The following SLA2 variants were observed in gnomAD, a reference collection of about 807,000 sequenced individuals.
SLA2 encodes the protein Src like adaptor 2, also known as src-like-adapter 2.
In SLA2, 22 loss-of-function variants were observed where a neutral mutation model predicts 27.3. The observed-to-expected ratio is 0.81, with a 90% CI of 0.58 to 1.15. The LOEUF (loss-of-function observed/expected upper bound fraction) is 1.15. Among genes scored for constraint, SLA2 ranks in the 50% most tolerant of loss-of-function variants. The pLI, the probability that SLA2 is intolerant of heterozygous loss-of-function variation, is 0.00. For missense variants in SLA2, 304 were observed against 322.2 expected (o/e 0.94, Z 0.43); for synonymous variants, 131 against 137.8 (o/e 0.95, Z 0.34).
intron 5 of SLA2, among the ~76,000 whole-genome samples, chr20:36,626,329 T>G (rs1217045932): frequency 6.6e-6 from 1 of 150,462 alleles, no homozygotes; most frequent in Non-Finnish European, 1.5e-5. Context: ...GAGGCATAGG[T>G]TGCAATGAGC....
intron 5 of SLA2, among the ~76,000 whole-genome samples, chr20:36,625,216 A>ATTTTTTTTTTTTTTTTTTTTTTTTT (rs71186005): frequency 1.3e-5 from 1 of 78,496 alleles, no homozygotes; most frequent in Non-Finnish European, 2.4e-5. Flanking sequence ...ACGTACCCTG[A>ATTTTTTTTTTTTTTTTTTTTTTTTT]TTTTTTTTTT....
intron 1 of SLA2, 51 bp downstream of exon 1, chr20:36,645,786 T>C (rs1043029753): frequency 5.3e-5 from 8 of 152,244 alleles, no homozygotes; most frequent in Non-Finnish European, 1.2e-4. Context: ...GGGAGACCAT[T>C]CTTCCTCACC....
rs201328728 is a variant in SLA2 at position 36,641,292 on chromosome 20, C to G, written c.44G>C (p.Ser15Thr). The change falls in exon 2 of 8, where the codon AGC becomes ACC. Residue 15 changes from serine (S) to threonine (T), a missense_variant. Coordinates refer to ENST00000262866, the MANE Select transcript of SLA2 (RefSeq NM_032214.4). The stretch of plus-strand genomic sequence containing the variant: ...CTGGCCTTGGACAGAGGAACTCAAG[C>G]TTGGGCTTGGCAGAGATTTTCTTCT... ...PSRRKSLPSP[S>T]LSSSVQGQGP... 6.2e-7 allele frequency: 1 copy of G among 1,614,158 alleles called. No individual in the cohort carries two copies. Among genetic ancestry groups the G allele is most frequent in the East Asian group, 2.2e-5 (1 of 44,866 alleles).
At position 36,633,677 on chromosome 20, in the gene SLA2, C is replaced by T. The variant is rs200903455; in HGVS notation, c.192-48G>A. On this transcript the variant is annotated intron_variant, in intron 3 of 7. Transcript: ENST00000262866. ...GCACCTCTTTCAGATGAGCCAAGGC[C>T]CCGACAACCACACATTCAGGGCTTG... The T allele has an allele frequency of 1.7e-5, 26 of 1,509,148 alleles. No homozygotes were observed. In the Admixed American group the frequency reaches 2.9e-4, roughly 17 times the overall value. 93.5% of individuals were successfully genotyped at this position (1,509,148 alleles called of 1,614,324 possible).
intron 5 of SLA2, chr20:36,620,966 G>T (rs1433402463): frequency 6.0e-6 from 2 of 335,230 alleles, no homozygotes; most frequent in Non-Finnish European, 1.2e-5. Context: ...CGTGGAGGTG[G>T]ATCTGGCAAT....
Position 36,612,527 on chromosome 20 carries a change from T to G in SLA2, c.*1339A>C. 1 of 401,884 alleles carries G rather than the reference T, an allele frequency of 2.5e-6. No homozygotes were observed. The highest frequency in any genetic ancestry group is 3.8e-5 in the Admixed American group (1 of 26,310). 24.9% of individuals were successfully genotyped at this position (401,884 alleles called of 1,614,324 possible). A position where few individuals can be genotyped will look rare whatever the true frequency, so the allele number is the denominator to read the frequency against. The stretch of plus-strand genomic sequence containing the variant: ...GTTTCCATTGTAGAATGTTTTCACA[T>G]ACTTGAATAAATCAAATCTTTAATT... On this transcript the variant is annotated 3_prime_UTR_variant, in exon 8 of 8. Coordinates refer to ENST00000262866, the MANE Select transcript of SLA2 (RefSeq NM_032214.4).
intron 5 of SLA2, among the ~76,000 whole-genome samples, chr20:36,628,127 C>A (rs576077977): frequency 6.6e-6 from 1 of 152,252 alleles, no homozygotes; most frequent in South Asian, 2.1e-4. Flanking sequence ...CCTCTGCCCC[C>A]AAAAGTCTGA....
At chr20:36,632,967 C>G (rs2039407372) in intron 4 of SLA2, among the ~76,000 whole-genome samples, 1 of 152,164 alleles carries the variant, frequency 6.6e-6, no homozygotes, top group African/African-American at 2.4e-5. Flanking sequence ...CCCAAGTAAC[C>G]TGGGTTGGTC....
intron 5 of SLA2, among the ~76,000 whole-genome samples, chr20:36,617,855 C>A (rs2039232779): frequency 6.9e-6 from 1 of 145,120 alleles, no homozygotes; most frequent in Non-Finnish European, 1.5e-5. Flanking sequence ...GACTCCGTCT[C>A]AAAAAAATTA....
intron 5 of SLA2, among the ~76,000 whole-genome samples, chr20:36,623,853 C>A (rs769353609): frequency 1.3e-5 from 2 of 152,088 alleles, no homozygotes; most frequent in Non-Finnish European, 2.9e-5. Context: ...CTAAAAAATT[C>A]TGTGGCTGGG....
At chr20:36,637,334 C>A (rs1600831715) in intron 2 of SLA2, among the ~76,000 whole-genome samples, 1 of 150,804 alleles carries the variant, frequency 6.6e-6, no homozygotes, top group African/African-American at 2.4e-5. Context: ...TCCTGAGTAG[C>A]TGGGATTACA....
rs1022633451 is a variant in SLA2, at chr20:36,614,331, T to A, written c.639A>T (p.Thr213=). Residue 213 remains threonine (T), a synonymous_variant, in exon 7 of 8, where the codon ACA becomes ACT. Coordinates refer to ENST00000262866, the MANE Select transcript of SLA2 (RefSeq NM_032214.4). ...DIPLPVTVQR[T]PLNWKELDSS... ...TGTCCAGCTCTTTCCAGTTGAGTGGTGTCCTCTGCACAGTCACAGGTAGGG... is the reference window on the plus strand; with the variant it reads ...TGTCCAGCTCTTTCCAGTTGAGTGGAGTCCTCTGCACAGTCACAGGTAGGG... 2 of 1,614,206 alleles carry A rather than the reference T, an allele frequency of 1.2e-6. No individual in the cohort carries two copies. The highest frequency in any genetic ancestry group is 3.3e-5 in the Admixed American group (2 of 60,026).
chr20:36,620,154 G>C (rs1228071211), intron 5 of SLA2, among the ~76,000 whole-genome samples: 1 of 150,018 alleles, frequency 6.7e-6, no homozygotes, highest in African/African-American at 2.5e-5. Flanking sequence ...ACTTTGGGAG[G>C]CCGAGGCGGG....
chr20:36,613,911 G>C lies in SLA2; in HGVS notation c.741C>G (p.Phe247Leu). 1.2e-6 allele frequency: 2 copies of C among 1,614,102 alleles called. No homozygotes were observed. The highest frequency in any genetic ancestry group is 2.2e-5 in the East Asian group (1 of 44,870). The change falls in exon 8 of 8, where the codon TTC becomes TTG. Residue 247 changes from phenylalanine (F) to leucine (L), a missense_variant. By Grantham distance (22) the Phe-to-Leu change is conservative (BLOSUM62 0). Transcript: ENST00000262866. ...CAGCCTCGTCATTCAGGCTGATGTA[G>C]AAGCTGAGGGACTCCCGGAGACCCT... is the stretch of plus-strand genomic sequence containing the variant. ...LSEGLRESLS[F>L]YISLNDEAVS...
At chr20:36,626,350 C>G (rs1365896922) in intron 5 of SLA2, among the ~76,000 whole-genome samples, 1 of 151,628 alleles carries the variant, frequency 6.6e-6, no homozygotes, top group Non-Finnish European at 1.5e-5. Flanking sequence ...CGAGATTGTG[C>G]CACTGCACTC....
chr20:36,641,773 C>T (rs547650773), intron 1 of SLA2, among the ~76,000 whole-genome samples: 3 of 152,064 alleles, frequency 2.0e-5, no homozygotes, highest in African/African-American at 4.8e-5. Context: ...TTCTCTGACC[C>T]GGGATCACAC....
chr20:36,633,616 A>C lies in SLA2; in HGVS notation c.205T>G (p.Trp69Gly). 6.2e-7 allele frequency: 1 copy of C among 1,613,782 alleles called. No individual in the cohort carries two copies. The highest frequency in any genetic ancestry group is 8.5e-7 in the Non-Finnish European group (1 of 1,179,798). The change falls in exon 4 of 8, where the codon TGG becomes GGG. Residue 69 changes from tryptophan (W) to glycine (G), a missense_variant. By Grantham distance (184) the Trp-to-Gly change is radical (BLOSUM62 -2). Transcript: ENST00000262866. ...LTIVSEDGDWWTVLSEVSGRE... is the reference protein window; with the variant it reads ...LTIVSEDGDWGTVLSEVSGRE... ...CCTGAGACTTCAGACAGCACCGTCCACCAGTCTCCATCCCTGGAGAGAGAA... is the reference window on the plus strand; with the variant it reads ...CCTGAGACTTCAGACAGCACCGTCCCCCAGTCTCCATCCCTGGAGAGAGAA...
intron 2 of SLA2, among the ~76,000 whole-genome samples, chr20:36,634,874 G>C (rs908040627): frequency 6.6e-6 from 1 of 152,014 alleles, no homozygotes; most frequent in African/African-American, 2.4e-5. Flanking sequence ...CTGAGCGACA[G>C]GGCAAGATCC....
intron 5 of SLA2, among the ~76,000 whole-genome samples, chr20:36,627,730 T>A (rs2039353973): frequency 6.6e-6 from 1 of 152,182 alleles, no homozygotes; most frequent in Non-Finnish European, 1.5e-5. Flanking sequence ...GGAGCAAGAT[T>A]TGGGGCCTGA....
Sources: gnomAD v4.1 joint callset for allele counts (sites outside exome capture counted in the v4.1 genomes callset) on GRCh38, gnomAD v4.1.1 for gene constraint, MANE v1.5 for transcripts, NCBI Gene and HGNC (gene_info 2026-07-23, HGNC 2026-07-21) for gene names.